Variants in LINGO2 observed in about 807,000 individuals in gnomAD.
LINGO2 encodes leucine-rich repeat and immunoglobulin-like domain-containing nogo receptor-interacting protein 2.
Under a neutral mutation model 30.6 loss-of-function variants are expected in LINGO2, and 14 were observed. The observed-to-expected ratio is 0.46, with a 90% CI of 0.30 to 0.72. The LOEUF is 0.72. Among genes scored for constraint, LINGO2 ranks in the 30% least tolerant of loss-of-function variants. LINGO2 has a pLI of 0.07. For synonymous variants in LINGO2, 317 were observed against 288.5 expected (o/e 1.10, Z -1.00); for missense variants, 729 against 751.7 (o/e 0.97, Z 0.35).
chr9:28,623,762 T>C (rs893914720), intron 1 of LINGO2, among the ~76,000 whole-genome samples: 8 of 152,082 alleles, frequency 5.3e-5, no homozygotes, highest in Admixed American at 4.6e-4. Flanking sequence ...AGGAATTGCA[T>C]TGAATGTATA....
chr9:28,983,292 G>T, the LINGO2 span, among the ~76,000 whole-genome samples: 3 of 146,848 alleles, frequency 2.0e-5, no homozygotes, highest in Non-Finnish European at 4.5e-5. Flanking sequence ...AAAATGTGTG[G>T]TGACCCATTT....
rs1484660899 is a variant in LINGO2, at chr9:28,329,387, T to C, written c.-245-34021A>G. ...TGTTACTAAACCCCTTCTCTCCATA[T>C]GGCTTAACTTGAGGGCTTGGGCTAA... On this transcript the variant is annotated intron_variant, in intron 3 of 5. Transcript: ENST00000379992. The surrounding 1 kb of genome is among the most constrained non-coding windows in gnomAD (Gnocchi z 4.5). Among the ~76,000 whole-genome samples the C allele has an allele frequency of 6.6e-6, 1 of 152,134 alleles. No individual in the cohort carries two copies. Among genetic ancestry groups the C allele is most frequent in the Non-Finnish European group, 1.5e-5 (1 of 68,026 alleles).
At chr9:29,062,979 C>T in the LINGO2 span, among the ~76,000 whole-genome samples, 2 of 152,082 alleles carry the variant, frequency 1.3e-5, no homozygotes, top group African/African-American at 4.8e-5. Flanking sequence ...GGTTGGCTCT[C>T]TCAGCCCTAC....
intron 1 of LINGO2, among the ~76,000 whole-genome samples, chr9:28,586,231 A>G (rs948702191): frequency 5.9e-5 from 9 of 151,964 alleles, no homozygotes; most frequent in African/African-American, 9.7e-5. Flanking sequence ...GGAATAAAAC[A>G]AGTTCTATAA....
chr9:28,075,920 C>T (rs1446045788), intron 4 of LINGO2, among the ~76,000 whole-genome samples: 1 of 151,226 alleles, frequency 6.6e-6, no homozygotes, highest in African/African-American at 2.4e-5. Flanking sequence ...CCATTTTTTC[C>T]TTTAATATTT....
At chr9:28,749,717 G>A in the LINGO2 span, among the ~76,000 whole-genome samples, 1 of 151,990 alleles carries the variant, frequency 6.6e-6, no homozygotes, top group Non-Finnish European at 1.5e-5. Context: ...CCTACAAAAT[G>A]CAAAGTACTC....
At chr9:28,247,487 A>G (rs112931683) in intron 4 of LINGO2, among the ~76,000 whole-genome samples, 13 of 152,310 alleles carry the variant, frequency 8.5e-5, no homozygotes, top group African/African-American at 2.9e-4. Context: ...TACTCAGCAA[A>G]CTAACACAGG....
chr9:29,212,348 G>A, the LINGO2 span, among the ~76,000 whole-genome samples: 2 of 151,826 alleles, frequency 1.3e-5, no homozygotes, highest in African/African-American at 4.8e-5. Context: ...CGCGGCGCCC[G>A]CTGGGAGCCT....
chr9:28,664,147 AG>A (rs1828698912), intron 1 of LINGO2, among the ~76,000 whole-genome samples: 1 of 152,136 alleles, frequency 6.6e-6, no homozygotes, highest in Non-Finnish European at 1.5e-5. Context: ...AAAATATGTG[AG>A]GAAAAAAATT....
At chr9:29,150,009 T>G in the LINGO2 span, among the ~76,000 whole-genome samples, 3 of 152,164 alleles carry the variant, frequency 2.0e-5, no homozygotes, top group Admixed American at 6.5e-5. Context: ...AGGAGCAGGC[T>G]TGGTAAAGGG....
At chr9:28,673,448 C>G (rs1829097481), upstream of LINGO2, among the ~76,000 whole-genome samples, 1 of 152,034 alleles carries the variant, frequency 6.6e-6, no homozygotes, top group Non-Finnish European at 1.5e-5. Context: ...GGGTGGATCA[C>G]CTGAGGTCAG....
chr9:29,054,856 G>A, the LINGO2 span, among the ~76,000 whole-genome samples: 1 of 152,136 alleles, frequency 6.6e-6, no homozygotes, highest in Non-Finnish European at 1.5e-5. Flanking sequence ...AGGATCAGAT[G>A]AGGCAAGATA....
chr9:28,276,305 G>A (rs1014226445), intron 4 of LINGO2, among the ~76,000 whole-genome samples: 2 of 152,004 alleles, frequency 1.3e-5, no homozygotes, highest in African/African-American at 4.8e-5. Flanking sequence ...CCTCCCATAT[G>A]GACCACACAT....
intron 3 of LINGO2, among the ~76,000 whole-genome samples, chr9:28,368,442 G>T (rs1335252806): frequency 6.6e-6 from 1 of 152,044 alleles, no homozygotes; most frequent in Non-Finnish European, 1.5e-5. Flanking sequence ...TTTCTGCTTG[G>T]CTTCCAGAGT....
intron 4 of LINGO2, among the ~76,000 whole-genome samples, chr9:28,288,873 A>T (rs999009563): frequency 2.0e-5 from 3 of 152,190 alleles, no homozygotes; most frequent in Non-Finnish European, 4.4e-5. Flanking sequence ...ATTTTTCATG[A>T]ATCACCTTGG....
At chr9:28,179,000 G>A (rs1386462289) in intron 4 of LINGO2, among the ~76,000 whole-genome samples, 1 of 152,048 alleles carries the variant, frequency 6.6e-6, no homozygotes, top group Non-Finnish European at 1.5e-5. Context: ...GACAAATTGA[G>A]ACTCAAAGGA....
chr9:28,296,414 G>A lies in LINGO2; in HGVS notation c.-245-1048C>T, dbSNP rs539261780. On this transcript the variant is annotated intron_variant, in intron 3 of 5. Transcript: ENST00000379992. ...ACGTAGTGCACAGAAAGGGCTTAGAGGTTATTCTAAGTCTGTAGGGGGACT... is the reference window on the plus strand; with the variant it reads ...ACGTAGTGCACAGAAAGGGCTTAGAAGTTATTCTAAGTCTGTAGGGGGACT... 3.8e-4 allele frequency among the ~76,000 whole-genome samples: 58 copies of A among 152,234 alleles called. No individual in the cohort carries two copies. In the South Asian group the frequency reaches 0.012, roughly 31 times the overall value.
intron 1 of LINGO2, among the ~76,000 whole-genome samples, chr9:28,589,856 C>T (rs908430706): frequency 6.6e-5 from 10 of 151,818 alleles, no homozygotes; most frequent in Admixed American, 5.9e-4. Flanking sequence ...CAATCCTAAG[C>T]CAAAAAAGAA....
chr9:28,628,325 G>T (rs1826777754), intron 1 of LINGO2, among the ~76,000 whole-genome samples: 1 of 152,070 alleles, frequency 6.6e-6, no homozygotes, highest in East Asian at 1.9e-4. Flanking sequence ...GTTCTTCTAT[G>T]GATAAATACA....
Sources: allele counts gnomAD v4.1 joint callset (sites outside exome capture counted in the v4.1 genomes callset), GRCh38; gene constraint gnomAD v4.1.1; non-coding constraint Gnocchi (gnomAD v3.1); transcripts MANE v1.5; gene names NCBI Gene and HGNC (gene_info 2026-07-23, HGNC 2026-07-21).